CTSC: variants seen among roughly 807,000 people sequenced by gnomAD.
The protein encoded by CTSC is dipeptidyl peptidase 1.
Under a neutral mutation model 40.9 loss-of-function variants are expected in CTSC, and 37 were observed. That is an observed-to-expected ratio of 0.91 (90% CI 0.70 to 1.19). The LOEUF is 1.19. Ranked by LOEUF, CTSC falls within the 50% of genes most tolerant of loss-of-function variation. The pLI is 0.00. For synonymous variants in CTSC, 232 were observed against 207.4 expected, an observed-to-expected ratio of 1.12 and a Z score of -1.02; for missense variants, 594 against 567.3, an observed-to-expected ratio of 1.05 and a Z score of -0.48.
In CTSC at chr11:88,293,900, CT is replaced by C; in HGVS notation, c.*105del. The stretch of plus-strand genomic sequence containing the variant: ...TGAAGACAAATATCTTCATGGAAAT[CT>C]ATTTGTAAGCTTCTGAGATTGCTGC... On this transcript the variant is annotated 3_prime_UTR_variant, in exon 7 of 7. Transcript: ENST00000227266. 1 of 1,300,136 alleles carries C rather than the reference CT, an allele frequency of 7.7e-7. No homozygotes were observed. Among genetic ancestry groups the C allele is most frequent in the Non-Finnish European group, 1.1e-6 (1 of 908,156 alleles). 80.5% of individuals were successfully genotyped at this position (1,300,136 alleles called of 1,614,324 possible). A position where few individuals can be genotyped will look rare whatever the true frequency, so the allele number is the denominator to read the frequency against.
At chr11:88,298,088 G>C (rs982957582) in intron 5 of CTSC, 4 of 151,928 alleles carry the variant, frequency 2.6e-5, no homozygotes, top group African/African-American at 9.7e-5. Context: ...TTAATCTTTT[G>C]TGTAAAATGA....
Position 88,315,145 on chromosome 11 carries a change from C to T in CTSC, c.319-2591G>A, listed in dbSNP as rs571549108. Among the ~76,000 whole-genome samples the T allele has an allele frequency of 1.6e-4, 25 of 152,280 alleles. No individual in the cohort carries two copies. The East Asian group carries it at 3.9e-3, about 24-fold the overall frequency. On this transcript the variant is annotated intron_variant, in intron 2 of 6. Coordinates refer to ENST00000227266, the MANE Select transcript of CTSC (RefSeq NM_001814.6). ...TATGTACTTCTCTCTGGCACTGGCT[C>T]TTGATCCTATTCTCTTCTCCTTGGT...
At chr11:88,324,256 A>G in intron 2 of CTSC, 1 of 449,622 alleles carries the variant, frequency 2.2e-6, no homozygotes, top group Non-Finnish European at 2.9e-6. Flanking sequence ...AATTAACTCA[A>G]GATGGATTAA....
intron 4 of CTSC, among the ~76,000 whole-genome samples, chr11:88,301,762 G>A (rs1211144028): frequency 6.6e-6 from 1 of 151,516 alleles, no homozygotes; most frequent in Admixed American, 6.6e-5. Flanking sequence ...CTCTGTATTA[G>A]CGATTTCACA....
At chr11:88,296,032 A>G in intron 6 of CTSC, 101 bp downstream of exon 6, 1 of 1,245,994 alleles carries the variant, frequency 8.0e-7, no homozygotes, top group Non-Finnish European at 1.2e-6. Context: ...GACTATAGAC[A>G]CTGCGCTCTC....
intron 5 of CTSC, chr11:88,299,725 C>G (rs762634745): frequency 6.6e-6 from 1 of 152,146 alleles, no homozygotes; most frequent in Non-Finnish European, 1.5e-5. Context: ...ACAGCAAATA[C>G]TAAACCTATT....
At chr11:88,297,168 A>T (rs534603269) in intron 5 of CTSC, 2 of 152,324 alleles carry the variant, frequency 1.3e-5, no homozygotes, top group African/African-American at 4.8e-5. Flanking sequence ...TGTCTACTTT[A>T]ACAAATATTC....
chr11:88,296,793 A>G (rs369344565), intron 5 of CTSC: 1 of 180,688 alleles, frequency 5.5e-6, no homozygotes, highest in Non-Finnish European at 1.2e-5. Context: ...GGCTCCAGAG[A>G]GAACTCTCAT....
chr11:88,319,834 A>G (rs551414049), intron 2 of CTSC, among the ~76,000 whole-genome samples: 1 of 152,336 alleles, frequency 6.6e-6, no homozygotes, highest in African/African-American at 2.4e-5. Flanking sequence ...TTTTGAAAAG[A>G]GTACTTTGCA....
chr11:88,318,904 G>A (rs559342), intron 2 of CTSC, among the ~76,000 whole-genome samples: 17,613 of 151,820 alleles, frequency 0.12, 1,261 homozygotes, highest in East Asian at 0.22. Flanking sequence ...GGGAAACACC[G>A]GCTCAAAAAT....
In CTSC at chr11:88,309,822, A is replaced by G. The variant is rs1003718560; in HGVS notation, c.486-504T>C. Among the ~76,000 whole-genome samples, 175 of 146,132 alleles carry G rather than the reference A, an allele frequency of 1.2e-3. 1 individual carries two copies. The highest frequency in any genetic ancestry group is 3.5e-3 in the Middle Eastern group (1 of 282). On this transcript the variant is annotated intron_variant, in intron 3 of 6. Coordinates refer to ENST00000227266, the MANE Select transcript of CTSC (RefSeq NM_001814.6). ...CATATATATGTATGCGCGCACACACACACACACACACACACACACACACAC... is the reference window on the plus strand; with the variant it reads ...CATATATATGTATGCGCGCACACACGCACACACACACACACACACACACAC...
chr11:88,313,016 A>G (rs1377330081), intron 2 of CTSC, among the ~76,000 whole-genome samples: 1 of 152,186 alleles, frequency 6.6e-6, no homozygotes, highest in East Asian at 1.9e-4. Flanking sequence ...AGTCTATCAC[A>G]CTACAATTTT....
intron 2 of CTSC, chr11:88,328,079 TAAGA>T: frequency 1.4e-6 from 2 of 1,469,694 alleles, no homozygotes; most frequent in Non-Finnish European, 1.9e-6. Flanking sequence ...TTGCTTTTAA[TAAGA>T]AAGTTAGAAA....
At chr11:88,330,380 T>C (rs1938316622) in intron 2 of CTSC, among the ~76,000 whole-genome samples, 1 of 152,026 alleles carries the variant, frequency 6.6e-6, no homozygotes, top group Admixed American at 6.5e-5. Context: ...TTATTATTAT[T>C]TTGAGACACC....
At chr11:88,305,630 A>T (rs1276892442) in intron 4 of CTSC, among the ~76,000 whole-genome samples, 1 of 152,208 alleles carries the variant, frequency 6.6e-6, no homozygotes, top group Non-Finnish European at 1.5e-5. Context: ...ACGTCATTGG[A>T]TTCTTAGAAC....
At position 88,294,023 on chromosome 11, in the gene CTSC, G is replaced by C; in HGVS notation, c.1375C>G (p.Pro459Ala). The C allele has an allele frequency of 3.1e-6, 5 of 1,613,962 alleles. No homozygotes were observed. The highest frequency in any genetic ancestry group is 4.2e-6 in the Non-Finnish European group (5 of 1,179,980). ...GGCATACCCTACAATTTAGGAATTG[G>C]TGTGGCTGCCACTGCTATGCTCTCA... The part of the protein sequence containing the change: ...AIESIAVAAT[P>A]IPKL The change falls in exon 7 of 7, where the codon CCA becomes GCA. Residue 459 changes from proline (P) to alanine (A), a missense_variant. Pro to Ala is a conservative substitution (Grantham distance 27). Coordinates refer to ENST00000227266, the MANE Select transcript of CTSC (RefSeq NM_001814.6).
At chr11:88,328,297 TTC>T in intron 2 of CTSC, 1 of 813,352 alleles carries the variant, frequency 1.2e-6, no homozygotes, top group East Asian at 2.6e-5. Flanking sequence ...AGTGCTAAAC[TTC>T]TGATACTTTT....
intron 4 of CTSC, among the ~76,000 whole-genome samples, chr11:88,307,503 G>A (rs536331486): frequency 6.6e-6 from 1 of 150,462 alleles, no homozygotes; most frequent in East Asian, 2.0e-4. Flanking sequence ...GGGCTTATGG[G>A]TAAAGATGAA....
At chr11:88,313,069 G>A (rs1249469716) in intron 2 of CTSC, among the ~76,000 whole-genome samples, 1 of 152,090 alleles carries the variant, frequency 6.6e-6, no homozygotes, top group Non-Finnish European at 1.5e-5. Context: ...AAGAACAAAT[G>A]ATGAACTTTT....
Sources: gnomAD v4.1 joint callset for allele counts (sites outside exome capture counted in the v4.1 genomes callset) on GRCh38, gnomAD v4.1.1 for gene constraint, MANE v1.5 for transcripts, NCBI Gene and HGNC (gene_info 2026-07-23, HGNC 2026-07-21) for gene names.